The following NUMA1 variants were observed in gnomAD, a reference collection of about 807,000 sequenced individuals.
The protein encoded by NUMA1 is nuclear mitotic apparatus protein 1.
Under a neutral mutation model 237.1 loss-of-function variants are expected in NUMA1, and 62 were observed. The ratio of observed to expected loss-of-function variants is 0.26; its 90% confidence interval spans 0.21 to 0.32. The LOEUF is 0.32. Among genes scored for constraint, NUMA1 ranks in the 10% least tolerant of loss-of-function variants. The pLI is 1.00. For missense variants in NUMA1, 2,533 were observed against 2,666.5 expected (o/e 0.95, Z 1.10); for synonymous variants, 1,028 against 1,066.1 (o/e 0.96, Z 0.70).
intron 1 of NUMA1, among the ~76,000 whole-genome samples, chr11:72,075,177 A>T (rs144677370): frequency 6.6e-6 from 1 of 152,298 alleles, no homozygotes; most frequent in African/African-American, 2.4e-5. Context: ...AGACTGTGCC[A>T]GCTATTAAGG....
intron 4 of NUMA1, among the ~76,000 whole-genome samples, chr11:72,028,510 A>ATTC (rs1939880291): frequency 6.7e-6 from 1 of 148,634 alleles, no homozygotes; most frequent in South Asian, 2.2e-4. Context: ...GGTCCCAGAA[A>ATTC]GGTAGGATAC....
intron 2 of NUMA1, among the ~76,000 whole-genome samples, chr11:72,052,735 G>C (rs182958133): frequency 1.7e-3 from 260 of 152,094 alleles, no homozygotes; most frequent in African/African-American, 5.9e-3. Context: ...CTGCACTCCA[G>C]TCTGGTGTGC....
chr11:72,029,939 G>C (rs183064421), intron 3 of NUMA1, among the ~76,000 whole-genome samples: 10 of 151,954 alleles, frequency 6.6e-5, no homozygotes, highest in East Asian at 1.9e-4. Flanking sequence ...CTCCCACAAA[G>C]ATATAAAATC....
chr11:72,049,559 TAATATATATATA>T lies in NUMA1; in HGVS notation c.-32-13596_-32-13585del, dbSNP rs1280602822. 1.9e-3 allele frequency: 13 copies of T among 6,884 alleles called. 4 individuals carry two copies. Among genetic ancestry groups the T allele is most frequent in the Non-Finnish European group, 1.3e-3 (2 of 1,560 alleles). 0.4% of individuals were successfully genotyped at this position (6,884 alleles called of 1,614,324 possible). A position where few individuals can be genotyped will look rare whatever the true frequency, so the allele number is the denominator to read the frequency against. On this transcript the variant is annotated intron_variant, in intron 2 of 26. Coordinates refer to ENST00000393695, the MANE Select transcript of NUMA1 (RefSeq NM_006185.4). ...ACCTGTCTAAAAAAAAAAATAATAA[TAATATATATATA>T]TATATATATATAGTGTGTGTGTGTG...
At chr11:72,075,866 A>T (rs534312157) in intron 1 of NUMA1, among the ~76,000 whole-genome samples, 1 of 152,314 alleles carries the variant, frequency 6.6e-6, no homozygotes, top group East Asian at 1.9e-4. Flanking sequence ...AGCTGATGAC[A>T]TAGCTGTCCT....
rs1360519080 is a variant in NUMA1, at chr11:72,016,643, T to C, written c.1120-113A>G. 7 of 1,360,446 alleles carry C rather than the reference T, an allele frequency of 5.1e-6. No homozygotes were observed. In the African/African-American group the frequency reaches 7.3e-5, roughly 14 times the overall value. 84.3% of individuals were successfully genotyped at this position (1,360,446 alleles called of 1,614,324 possible). On this transcript the variant is annotated intron_variant, in intron 13 of 26. Coordinates refer to ENST00000393695, the MANE Select transcript of NUMA1 (RefSeq NM_006185.4). ...GGCCCATCATCTTGTTACCAAGATC[T>C]CCTTTTGCCCTGGCCTAGAAAAAAG...
chr11:72,036,058 C>T, intron 2 of NUMA1, 83 bp from the exon 3 acceptor site: 2 of 1,073,018 alleles, frequency 1.9e-6, no homozygotes, highest in East Asian at 2.4e-5. Context: ...GTTCAATTTG[C>T]CAATTCTCAA....
chr11:72,008,708 C>T lies in NUMA1; in HGVS notation c.5196G>A (p.Gly1732=). 2 of 1,614,140 alleles carry T rather than the reference C, an allele frequency of 1.2e-6. No individual in the cohort carries two copies. Among genetic ancestry groups the T allele is most frequent in the South Asian group, 1.1e-5 (1 of 91,080 alleles). ...CTGACCTGGTGATACTGAGTGGGGT[C>T]CCCTCCTCGCAGCTCAGATCCAGGC... ...IDSLDLSCEE[G]TPLSITSKLP... Residue 1732 remains glycine, a synonymous_variant, in exon 20 of 27, where the codon GGG becomes GGA. Coordinates refer to ENST00000393695, the MANE Select transcript of NUMA1 (RefSeq NM_006185.4).
At chr11:72,027,651 G>A (rs796529636) in intron 4 of NUMA1, among the ~76,000 whole-genome samples, 22 of 152,244 alleles carry the variant, frequency 1.4e-4, no homozygotes, top group African/African-American at 5.1e-4. Context: ...TTAAACACCA[G>A]GCTGAAGATT....
At chr11:72,067,405 C>T (rs538956205) in intron 2 of NUMA1, 53 of 152,322 alleles carry the variant, frequency 3.5e-4, no homozygotes, top group Middle Eastern at 3.4e-3. Flanking sequence ...TCCTCTGAAT[C>T]ACAATATCCA....
At chr11:72,011,787 A>AC (rs1408197397) in intron 16 of NUMA1, among the ~76,000 whole-genome samples, 3 of 150,590 alleles carry the variant, frequency 2.0e-5, no homozygotes, top group Admixed American at 2.0e-4. Context: ...AGACCATGTG[A>AC]CCCCCACTCC....
chr11:72,021,379 C>A, intron 7 of NUMA1, 88 bp from the exon 8 acceptor site: 2 of 1,172,112 alleles, frequency 1.7e-6, no homozygotes, highest in South Asian at 1.3e-5. Flanking sequence ...CAGTGCCAGT[C>A]CCCGGCTCCC....
chr11:72,060,755 G>A (rs190551520), intron 2 of NUMA1, among the ~76,000 whole-genome samples: 83 of 152,146 alleles, frequency 5.5e-4, no homozygotes, highest in African/African-American at 2.9e-4. Flanking sequence ...AAGGCTTAGC[G>A]AGACCCCATC....
intron 20 of NUMA1, 196 bp downstream of exon 20, chr11:72,008,492 C>G (rs1590871348): frequency 3.2e-6 from 2 of 624,528 alleles, no homozygotes; most frequent in African/African-American, 1.8e-5. Flanking sequence ...GGAGCGATAG[C>G]TTCCACGAAG....
rs1267182669 is a variant in NUMA1, at chr11:72,006,138, G to A, written c.5589C>T (p.Pro1863=). The part of the protein sequence containing the change: ...STQSLARLGS[P]DYGNSALLSL... Reference sequence around the variant, plus strand: ...TGAGCAGGGCTGAGTTGCCATAATCGGGAGAACCCAGGCGAGCTAGAGACT... The same window carrying A: ...TGAGCAGGGCTGAGTTGCCATAATCAGGAGAACCCAGGCGAGCTAGAGACT... The change falls in exon 22 of 27, where the codon CCC becomes CCT. Residue 1863 remains proline (P), a synonymous_variant. Coordinates refer to ENST00000393695, the MANE Select transcript of NUMA1 (RefSeq NM_006185.4). 6.8e-6 allele frequency: 11 copies of A among 1,614,030 alleles called. No homozygotes were observed. Among genetic ancestry groups the A allele is most frequent in the African/African-American group, 1.3e-5 (1 of 74,926 alleles).
At chr11:72,036,786 G>T (rs538130244) in intron 2 of NUMA1, among the ~76,000 whole-genome samples, 42 of 152,194 alleles carry the variant, frequency 2.8e-4, no homozygotes, top group African/African-American at 8.9e-4. Context: ...TTGAGATTCT[G>T]CCACCTGCCT....
intron 2 of NUMA1, among the ~76,000 whole-genome samples, chr11:72,045,993 C>G (rs1057005221): frequency 6.6e-6 from 1 of 152,232 alleles, no homozygotes; most frequent in African/African-American, 2.4e-5. Flanking sequence ...CAGCTTCCAG[C>G]TGTGCAGCTT....
intron 2 of NUMA1, among the ~76,000 whole-genome samples, chr11:72,059,028 A>G (rs527238234): frequency 6.6e-6 from 1 of 152,340 alleles, no homozygotes; most frequent in South Asian, 2.1e-4. Context: ...CTCCCTCTTC[A>G]TTAAGCCTCA....
Position 72,006,272 on chromosome 11 carries a change from C to T in NUMA1, c.5464-9G>A. 3 of 1,611,650 alleles carry T rather than the reference C, an allele frequency of 1.9e-6. No homozygotes were observed. The highest frequency in any genetic ancestry group is 1.3e-5 in the African/African-American group (1 of 75,006). ...TCTTCCACATCTAGCTTCTGGAAGACAGAGTGAATCTGTTGCAGTGTACAG... is the reference window on the plus strand; with the variant it reads ...TCTTCCACATCTAGCTTCTGGAAGATAGAGTGAATCTGTTGCAGTGTACAG... On this transcript the variant is annotated splice_polypyrimidine_tract_variant and intron_variant, in intron 21 of 26. Transcript: ENST00000393695.
Sources: allele counts gnomAD v4.1 joint callset (sites outside exome capture counted in the v4.1 genomes callset), GRCh38; gene constraint gnomAD v4.1.1; transcripts MANE v1.5; gene names NCBI Gene and HGNC (gene_info 2026-07-23, HGNC 2026-07-21).